CCDC60: variants seen among roughly 807,000 people sequenced by gnomAD.
CCDC60 encodes coiled-coil domain-containing protein 60.
Under a neutral mutation model 63.5 loss-of-function variants are expected in CCDC60, and 54 were observed. That is an observed-to-expected ratio of 0.85 (90% CI 0.68 to 1.07). The LOEUF (loss-of-function observed/expected upper bound fraction) is 1.07, where lower values mean the gene tolerates loss of function less well. Ranked by LOEUF, CCDC60 falls within the 50% of genes least tolerant of loss-of-function variation. CCDC60 has a pLI of 0.00. For synonymous variants in CCDC60, 206 were observed against 238.8 expected, an observed-to-expected ratio of 0.86 and a Z score of 1.27; for missense variants, 651 against 684.3, an observed-to-expected ratio of 0.95 and a Z score of 0.54.
intron 2 of CCDC60, among the ~76,000 whole-genome samples, chr12:119,446,474 C>G (rs1209016779): frequency 6.6e-6 from 1 of 152,140 alleles, no homozygotes; most frequent in Non-Finnish European, 1.5e-5. Flanking sequence ...GTCAATGATG[C>G]CCCTGGGGCC....
chr12:119,510,496 G>C (rs1952186302), intron 7 of CCDC60, among the ~76,000 whole-genome samples: 1 of 151,826 alleles, frequency 6.6e-6, no homozygotes, highest in African/African-American at 2.4e-5. Flanking sequence ...CTTAGTAGTT[G>C]GTATTTGCTT....
chr12:119,479,348 C>A, intron 4 of CCDC60, 147 bp downstream of exon 4: 1 of 604,018 alleles, frequency 1.7e-6, no homozygotes, highest in South Asian at 2.0e-5. Context: ...AGCTATTTGG[C>A]ATATAAAAAT....
At chr12:119,351,951 A>ATT in intron 1 of CCDC60, among the ~76,000 whole-genome samples, 1 of 152,136 alleles carries the variant, frequency 6.6e-6, no homozygotes, top group South Asian at 2.1e-4. Flanking sequence ...CCCAGTATCA[A>ATT]TTTTCTGTAT....
intron 3 of CCDC60, among the ~76,000 whole-genome samples, chr12:119,478,338 T>C (rs543032161): frequency 6.9e-6 from 1 of 145,934 alleles, no homozygotes; most frequent in African/African-American, 2.5e-5. Flanking sequence ...ATATATCATA[T>C]GACTCAAGCA....
chr12:119,478,603 CTTTTTTTTTTT>C (rs35215523), intron 3 of CCDC60, among the ~76,000 whole-genome samples: 1 of 87,080 alleles, frequency 1.1e-5, no homozygotes, highest in Non-Finnish European at 2.1e-5. Flanking sequence ...AAGGCAGGGA[CTTTTTTTTTTT>C]TTTTTTTTTT....
At chr12:119,539,935 GA>G (rs1431645915) in intron 13 of CCDC60, among the ~76,000 whole-genome samples, 1 of 152,198 alleles carries the variant, frequency 6.6e-6, no homozygotes, top group East Asian at 1.9e-4. Flanking sequence ...GGCTAGGGGA[GA>G]GAATTATCTG....
chr12:119,517,765 G>C (rs995391084), intron 8 of CCDC60, among the ~76,000 whole-genome samples: 14 of 152,172 alleles, frequency 9.2e-5, no homozygotes, highest in African/African-American at 3.4e-4. Context: ...GAAGTTTCAA[G>C]CCAGCAACCG....
At chr12:119,384,924 AC>A (rs1956044572) in intron 1 of CCDC60, among the ~76,000 whole-genome samples, 1 of 149,920 alleles carries the variant, frequency 6.7e-6, no homozygotes, top group Non-Finnish European at 1.5e-5. Context: ...CAAGCTCCTG[AC>A]CAAACATTGA....
chr12:119,336,317 A>G (rs985086451), intron 1 of CCDC60, among the ~76,000 whole-genome samples: 1 of 152,222 alleles, frequency 6.6e-6, no homozygotes, highest in African/African-American at 2.4e-5. Context: ...GTGTGATTAA[A>G]TTGTCGAGAC....
rs560699169 is a variant in CCDC60, at chr12:119,452,821, T to G, written c.171-19173T>G. Among the ~76,000 whole-genome samples, 89 of 151,984 alleles carry G rather than the reference T, an allele frequency of 5.9e-4. No homozygotes were observed. The South Asian group carries it at 9.8e-3, about 17-fold the overall frequency. On this transcript the variant is annotated intron_variant, in intron 2 of 13. Transcript: ENST00000327554. The stretch of plus-strand genomic sequence containing the variant: ...AGAGTTAGAATTTGGCTTGTTTTTT[T>G]TTTGTTTGTTTGTTTGTTTTAGATG...
At chr12:119,408,701 C>G (rs1054110265) in intron 1 of CCDC60, among the ~76,000 whole-genome samples, 1 of 152,094 alleles carries the variant, frequency 6.6e-6, no homozygotes, top group African/African-American at 2.4e-5. Flanking sequence ...TGGCGGGCGC[C>G]TGTAGTCCCA....
At chr12:119,453,313 T>C (rs1431846976) in intron 2 of CCDC60, among the ~76,000 whole-genome samples, 1 of 152,188 alleles carries the variant, frequency 6.6e-6, no homozygotes, top group African/African-American at 2.4e-5. Flanking sequence ...TCCTCCTCCT[T>C]TTCTTCCATC....
At chr12:119,498,880 C>T (rs539308749) in intron 5 of CCDC60, among the ~76,000 whole-genome samples, 1 of 152,278 alleles carries the variant, frequency 6.6e-6, no homozygotes, top group East Asian at 1.9e-4. Flanking sequence ...TAGAGACCCA[C>T]TTCCCCATAG....
At chr12:119,447,016 A>T (rs1950555880) in intron 2 of CCDC60, among the ~76,000 whole-genome samples, 1 of 152,152 alleles carries the variant, frequency 6.6e-6, no homozygotes, top group Non-Finnish European at 1.5e-5. Context: ...AGAAGACGAG[A>T]GGCGATAGCT....
chr12:119,444,867 C>G (rs1271243138), intron 2 of CCDC60, among the ~76,000 whole-genome samples: 1 of 152,158 alleles, frequency 6.6e-6, no homozygotes, highest in African/African-American at 2.4e-5. Flanking sequence ...GCTCTAATGT[C>G]TAACCAAAGT....
rs963442859 is a variant in CCDC60, at chr12:119,427,948, C to T, written c.91-735C>T. Among the ~76,000 whole-genome samples, 3 of 152,236 alleles carry T rather than the reference C, an allele frequency of 2.0e-5. No individual in the cohort carries two copies. In the East Asian group the frequency reaches 5.8e-4, roughly 29 times the overall value. On this transcript the variant is annotated intron_variant, in intron 1 of 13. Coordinates refer to ENST00000327554, the MANE Select transcript of CCDC60 (RefSeq NM_178499.5). The stretch of plus-strand genomic sequence containing the variant: ...GAGCTCGAGGCTGCAGTGAGCTGCA[C>T]TCCAGCCTCAGTGACAGTGTGATCC...
chr12:119,507,517 CA>C (rs1464952817), intron 7 of CCDC60, among the ~76,000 whole-genome samples: 1 of 119,348 alleles, frequency 8.4e-6, no homozygotes, highest in Non-Finnish European at 1.7e-5. Context: ...CATATATATA[CA>C]TATATATACA....
intron 1 of CCDC60, among the ~76,000 whole-genome samples, chr12:119,355,713 G>C (rs531462478): frequency 6.6e-6 from 1 of 152,236 alleles, no homozygotes; most frequent in Non-Finnish European, 1.5e-5. Context: ...AGTGTGCCAC[G>C]AGTAGCAGCT....
intron 13 of CCDC60, among the ~76,000 whole-genome samples, chr12:119,538,773 T>C (rs1005111468): frequency 1.3e-5 from 2 of 152,244 alleles, no homozygotes; most frequent in Non-Finnish European, 2.9e-5. Flanking sequence ...AGAAGCGTTC[T>C]GGTTTTGGGA....
Sources: gnomAD v4.1 joint callset for allele counts (sites outside exome capture counted in the v4.1 genomes callset) on GRCh38, gnomAD v4.1.1 for gene constraint, MANE v1.5 for transcripts, NCBI Gene and HGNC (gene_info 2026-07-23, HGNC 2026-07-21) for gene names.